Variants in DIS3L2 observed in about 807,000 individuals in gnomAD.
The protein encoded by DIS3L2 is DIS3 like 3'-5' exoribonuclease 2, also known as DIS3-like exonuclease 2.
In DIS3L2, 34 loss-of-function variants were observed where a neutral mutation model predicts 97.5. That is an observed-to-expected ratio of 0.35 (90% confidence interval 0.27 to 0.46). DIS3L2 has a LOEUF of 0.46. Ranked by LOEUF, DIS3L2 falls within the 20% of genes least tolerant of loss-of-function variation. DIS3L2 has a pLI of 1.00. For missense variants in DIS3L2, 1,038 were observed against 1,146.0 expected, an observed-to-expected ratio of 0.91 and a Z score of 1.36; for synonymous variants, 435 against 445.2, an observed-to-expected ratio of 0.98 and a Z score of 0.29.
At chr2:232,199,368 C>T (rs1691834294) in intron 9 of DIS3L2, among the ~76,000 whole-genome samples, 1 of 152,128 alleles carries the variant, frequency 6.6e-6, no homozygotes, top group African/African-American at 2.4e-5. Flanking sequence ...AGTCAGATTT[C>T]AGTTCAGTGT....
Position 232,329,793 on chromosome 2 carries a change from A to ACCCCCCCC in DIS3L2, c.1740-20_1740-19insCCCCCCCC. 8 of 147,848 alleles carry ACCCCCCCC rather than the reference A, an allele frequency of 5.4e-5. No individual in the cohort carries two copies. The highest frequency in any genetic ancestry group is 3.4e-4 in the South Asian group (4 of 11,608). The allele number at this position is 147,848 out of a possible 1,614,324, so 9.2% of individuals were successfully genotyped here. On this transcript the variant is annotated intron_variant, in intron 14 of 20. Transcript: ENST00000325385. Reference sequence around the variant, plus strand: ...TCCCCAAACCCCAGCGGTCCCTCCCATCCCACCCACCCTCTGCAGGCTCGT... The same window carrying ACCCCCCCC: ...TCCCCAAACCCCAGCGGTCCCTCCCACCCCCCCCTCCCACCCACCCTCTGCAGGCTCGT...
At chr2:232,068,524 A>C (rs572562338) in intron 5 of DIS3L2, among the ~76,000 whole-genome samples, 1 of 151,904 alleles carries the variant, frequency 6.6e-6, no homozygotes, top group Admixed American at 6.6e-5. Context: ...TGGGGGTACA[A>C]TGAGCCATGA....
At chr2:232,278,564 T>C (rs1256217691) in intron 13 of DIS3L2, among the ~76,000 whole-genome samples, 2 of 152,174 alleles carry the variant, frequency 1.3e-5, no homozygotes, top group African/African-American at 4.8e-5. Context: ...AATCATTCCG[T>C]TGGTAGCATT....
chr2:231,993,237 C>CT (rs796949965), intron 1 of DIS3L2, among the ~76,000 whole-genome samples: 57 of 147,618 alleles, frequency 3.9e-4, no homozygotes, highest in South Asian at 6.5e-4. Context: ...ATGAAGTTAT[C>CT]TTTTTTTTTT....
chr2:232,270,860 G>GTCTCTCTCTCTCTCTCTCTCTTTC (rs1693972406), intron 13 of DIS3L2, among the ~76,000 whole-genome samples: 1 of 103,818 alleles, frequency 9.6e-6, no homozygotes, highest in African/African-American at 3.6e-5. Flanking sequence ...TCTTTTTCTC[G>GTCTCTCTCTCTCTCTCTCTCTTTC]TCTCTCTCTC....
chr2:232,123,743 T>C (rs923440107), intron 6 of DIS3L2, among the ~76,000 whole-genome samples: 3 of 152,230 alleles, frequency 2.0e-5, no homozygotes, highest in East Asian at 1.9e-4. Flanking sequence ...CAGGTTAAAA[T>C]TGGAATTGAT....
intron 5 of DIS3L2, among the ~76,000 whole-genome samples, chr2:232,081,617 A>G (rs1696400249): frequency 6.6e-6 from 1 of 152,180 alleles, no homozygotes. Context: ...AGAATTCTCC[A>G]TAGTTGACCA....
chr2:232,330,618 C>G, intron 15 of DIS3L2, 72 bp from the exon 16 acceptor site: 11 of 1,500,494 alleles, frequency 7.3e-6, no homozygotes, highest in Non-Finnish European at 9.3e-6. Flanking sequence ...AGGTGCTCAG[C>G]GGATGACAGG....
intron 8 of DIS3L2, among the ~76,000 whole-genome samples, chr2:232,143,003 G>T (rs1023534340): frequency 2.0e-5 from 3 of 152,202 alleles, no homozygotes; most frequent in Non-Finnish European, 4.4e-5. Context: ...CACTGCAAGA[G>T]TGCATGACTG....
At chr2:232,171,910 G>A (rs1691001590) in intron 9 of DIS3L2, among the ~76,000 whole-genome samples, 1 of 152,052 alleles carries the variant, frequency 6.6e-6, no homozygotes, top group South Asian at 2.1e-4. Context: ...TGAACCAGGA[G>A]GAAAAATGCC....
chr2:232,035,764 T>G (rs1574828388), intron 5 of DIS3L2, among the ~76,000 whole-genome samples: 1 of 152,314 alleles, frequency 6.6e-6, no homozygotes, highest in East Asian at 1.9e-4. Context: ...TTATGAAGCT[T>G]TGTTTGGCTG....
chr2:232,336,753 T>G lies in DIS3L2; in HGVS notation c.*123T>G. The G allele has an allele frequency of 6.7e-7, 1 of 1,485,240 alleles. No homozygotes were observed. Among genetic ancestry groups the G allele is most frequent in the Non-Finnish European group, 8.9e-7 (1 of 1,128,636 alleles). The allele number at this position is 1,485,240 out of a possible 1,614,324, so 92.0% of individuals were successfully genotyped here. A position where few individuals can be genotyped will look rare whatever the true frequency, so the allele number is the denominator to read the frequency against. Reference sequence around the variant, plus strand: ...TAACAACTCAGGGGTTTGTTTTTATTTTTATTTAATTTTTGCAGCTCAACT... The same window carrying G: ...TAACAACTCAGGGGTTTGTTTTTATGTTTATTTAATTTTTGCAGCTCAACT... On this transcript the variant is annotated 3_prime_UTR_variant, in exon 21 of 21. Coordinates refer to ENST00000325385, the MANE Select transcript of DIS3L2 (RefSeq NM_152383.5).
intron 1 of DIS3L2, among the ~76,000 whole-genome samples, chr2:232,013,859 G>A (rs1444069640): frequency 1.3e-5 from 2 of 152,112 alleles, no homozygotes; most frequent in South Asian, 2.1e-4. Context: ...TCCCTAAGTG[G>A]CCTATTATCC....
chr2:232,290,286 G>C (rs528387551), intron 13 of DIS3L2, among the ~76,000 whole-genome samples: 4 of 152,234 alleles, frequency 2.6e-5, no homozygotes, highest in African/African-American at 7.2e-5. Flanking sequence ...GCTCAGGCAC[G>C]TGAGAGGCAA....
Position 232,160,932 on chromosome 2 carries a change from T to G in DIS3L2, c.951-2527T>G, listed in dbSNP as rs537261208. On this transcript the variant is annotated intron_variant, in intron 8 of 20. Transcript: ENST00000325385. ...TTTTTGTTTGTTTGTTTGTTTGTTT[T>G]TTTGAGACAGACTCTCACTCTGTTG... 4.6e-5 allele frequency among the ~76,000 whole-genome samples: 7 copies of G among 152,316 alleles called. No homozygotes were observed. The East Asian group carries it at 5.8e-4, about 13-fold the overall frequency.
At chr2:232,227,213 G>A (rs1429285615) in intron 10 of DIS3L2, among the ~76,000 whole-genome samples, 1 of 152,188 alleles carries the variant, frequency 6.6e-6, no homozygotes, top group Non-Finnish European at 1.5e-5. Flanking sequence ...CAGAATGAAT[G>A]TGTAATCTTT....
chr2:232,194,801 C>T (rs925751807), intron 9 of DIS3L2, among the ~76,000 whole-genome samples: 3 of 151,970 alleles, frequency 2.0e-5, no homozygotes, highest in Non-Finnish European at 4.4e-5. Flanking sequence ...TGCTGGGTGA[C>T]CCGCAACCTG....
chr2:232,064,694 AC>A (rs1559589321), intron 5 of DIS3L2, among the ~76,000 whole-genome samples: 1 of 152,154 alleles, frequency 6.6e-6, no homozygotes, highest in Non-Finnish European at 1.5e-5. Context: ...TTACATCCTC[AC>A]CACCACATAT....
At chr2:231,996,964 C>T (rs1296990207) in intron 1 of DIS3L2, among the ~76,000 whole-genome samples, 1 of 152,114 alleles carries the variant, frequency 6.6e-6, no homozygotes, top group Non-Finnish European at 1.5e-5. Context: ...AAGTAGTGTC[C>T]CTTTCCCCCA....
Sources: allele counts gnomAD v4.1 joint callset (sites outside exome capture counted in the v4.1 genomes callset), GRCh38; gene constraint gnomAD v4.1.1; transcripts MANE v1.5; gene names NCBI Gene and HGNC (gene_info 2026-07-23, HGNC 2026-07-21).